MACC1: variants seen among roughly 807,000 people sequenced by gnomAD.
MACC1 encodes the protein metastasis-associated in colon cancer protein 1.
MACC1 carries 79 observed loss-of-function variants against 70.7 expected under a neutral mutation model. The observed-to-expected ratio is 1.12, with a 90% CI of 0.93 to 1.35. The LOEUF (loss-of-function observed/expected upper bound fraction) is 1.35, where lower values mean the gene tolerates loss of function less well. MACC1 is among the 40% of genes most tolerant of loss of function. The probability of loss-of-function intolerance (pLI) is 0.00; values close to 1 mark genes in which losing one functional copy is unlikely to be tolerated. For missense variants in MACC1, 1,106 were observed against 978.1 expected, an observed-to-expected ratio of 1.13 and a Z score of -1.74; for synonymous variants, 361 against 347.2, an observed-to-expected ratio of 1.04 and a Z score of -0.44.
At chr7:20,190,059 C>T (rs1013225453) in intron 1 of MACC1, among the ~76,000 whole-genome samples, 2 of 152,106 alleles carry the variant, frequency 1.3e-5, no homozygotes, top group African/African-American at 2.4e-5. Flanking sequence ...ACCTTCATGA[C>T]CTCATCACTT....
chr7:20,160,505 C>T (rs1247342980), intron 4 of MACC1, among the ~76,000 whole-genome samples: 1 of 152,004 alleles, frequency 6.6e-6, no homozygotes, highest in Non-Finnish European at 1.5e-5. Flanking sequence ...ATAAACTAAA[C>T]AAATAAATAT....
rs566307665 is a variant in MACC1 at position 20,164,316 on chromosome 7, A to G, written c.-69T>C. 6.6e-6 allele frequency: 1 copy of G among 152,042 alleles called. No homozygotes were observed. Among genetic ancestry groups the G allele is most frequent in the South Asian group, 2.1e-4 (1 of 4,804 alleles). 9.4% of individuals were successfully genotyped at this position (152,042 alleles called of 1,614,324 possible). ...GTTCACCTGTGACCCCTCCTTCTTT[A>G]TTGTTATACTCTTCTTTCTAATTCT... is the stretch of plus-strand genomic sequence containing the variant. On this transcript the variant is annotated 5_prime_UTR_variant, in exon 3 of 7. Coordinates refer to ENST00000400331, the MANE Select transcript of MACC1 (RefSeq NM_182762.4).
intron 1 of MACC1, among the ~76,000 whole-genome samples, chr7:20,181,994 T>C (rs1337471100): frequency 1.3e-5 from 2 of 151,918 alleles, no homozygotes; most frequent in African/African-American, 2.4e-5. Flanking sequence ...ATATACACCA[T>C]GGAATACTAT....
chr7:20,170,937 C>G (rs923962227), intron 1 of MACC1, among the ~76,000 whole-genome samples, 159 bp from the exon 2 acceptor site: 1 of 152,218 alleles, frequency 6.6e-6, no homozygotes, highest in African/African-American at 2.4e-5. Flanking sequence ...CCAATTCATA[C>G]AGCAGGAATT....
Position 20,140,333 on chromosome 7 carries a change from AGCCTCAGAC to A in MACC1, c.*604_*612del, listed in dbSNP as rs1412283897. 2.0e-5 allele frequency: 3 copies of A among 152,218 alleles called. No homozygotes were observed. The highest frequency in any genetic ancestry group is 7.2e-5 in the African/African-American group (3 of 41,456). 9.4% of individuals were successfully genotyped at this position (152,218 alleles called of 1,614,324 possible). A position where few individuals can be genotyped will look rare whatever the true frequency, so the allele number is the denominator to read the frequency against. ...AAAACCTACTTTGTACTGGCTATGT[AGCCTCAGAC>A]GTTCTCTCCACTTCTGAGTTTCTCC... On this transcript the variant is annotated 3_prime_UTR_variant, in exon 7 of 7. Transcript: ENST00000400331.
chr7:20,179,622 C>T (rs974814716), intron 1 of MACC1, among the ~76,000 whole-genome samples: 3 of 152,168 alleles, frequency 2.0e-5, no homozygotes, highest in Admixed American at 1.3e-4. Flanking sequence ...TTTCCATTTC[C>T]TAGGCTGCTT....
intron 6 of MACC1, among the ~76,000 whole-genome samples, chr7:20,147,939 C>A (rs61026738): frequency 0.056 from 8,448 of 152,106 alleles, 784 homozygotes; most frequent in African/African-American, 0.19. Context: ...ATGCCCCTGC[C>A]AAAAACATAT....
chr7:20,187,424 A>G (rs767878723), intron 1 of MACC1, among the ~76,000 whole-genome samples: 3 of 152,190 alleles, frequency 2.0e-5, no homozygotes, highest in Admixed American at 6.5e-5. Flanking sequence ...CTTTCACTAT[A>G]CAGGACCAGC....
rs1782139832 is a variant in MACC1, at chr7:20,161,620, A to G, written c.115+128T>C. On this transcript the variant is annotated intron_variant, in intron 4 of 6. Coordinates refer to ENST00000400331, the MANE Select transcript of MACC1 (RefSeq NM_182762.4). ...TTTGCACATCTTTTTAACTATTTCT[A>G]TGATAAAAACAAGATTTTATAATTC... The G allele has an allele frequency of 6.8e-6, 4 of 584,678 alleles. No homozygotes were observed. The East Asian group carries it at 8.7e-5, about 13-fold the overall frequency. The allele number at this position is 584,678 out of a possible 1,614,324, so 36.2% of individuals were successfully genotyped here.
chr7:20,161,768 G>T lies in MACC1; in HGVS notation c.95C>A (p.Ser32Ter). 6.2e-7 allele frequency: 1 copy of T among 1,610,756 alleles called. No homozygotes were observed. Among genetic ancestry groups the T allele is most frequent in the Non-Finnish European group, 8.5e-7 (1 of 1,177,454 alleles). ...CATACCTGTAATATTGCAACTTTTTGAGAGTTTTCCAGCTTCCATGTCAAT... is the reference window on the plus strand; with the variant it reads ...CATACCTGTAATATTGCAACTTTTTTAGAGTTTTCCAGCTTCCATGTCAAT... ...NLIDMEAGKLSKSCNITECQD... is the reference protein window; with the variant it reads ...NLIDMEAGKL Residue 32 changes from serine to a stop codon, truncating the protein, a stop_gained, in exon 4 of 7, where the codon TCA becomes TAA. Coordinates refer to ENST00000400331, the MANE Select transcript of MACC1 (RefSeq NM_182762.4). LOFTEE classifies it high-confidence loss of function.
intron 1 of MACC1, among the ~76,000 whole-genome samples, chr7:20,171,443 A>C: frequency 6.7e-6 from 1 of 149,190 alleles, no homozygotes. Flanking sequence ...TTTAGTAGAG[A>C]CGGAATTTCA....
At chr7:20,175,860 T>A (rs1195150587) in intron 1 of MACC1, among the ~76,000 whole-genome samples, 1 of 152,164 alleles carries the variant, frequency 6.6e-6, no homozygotes, top group Non-Finnish European at 1.5e-5. Context: ...TCCTTAGAAC[T>A]ATTTGGAATA....
chr7:20,214,441 C>T (rs1783041063), intron 1 of MACC1, among the ~76,000 whole-genome samples: 1 of 152,140 alleles, frequency 6.6e-6, no homozygotes, highest in Non-Finnish European at 1.5e-5. Context: ...GATTTTTCCA[C>T]TACCAATTGC....
At position 20,160,006 on chromosome 7, in the gene MACC1, C is replaced by A. The variant is rs367734621; in HGVS notation, c.355G>T (p.Glu119Ter). ...NGNSFDSSGDELDVHQLLRQT... is the reference protein window; with the variant it reads ...NGNSFDSSGD Reference sequence around the variant, plus strand: ...CTAAGTAACTGATGCACATCAAGTTCATCACCGGAGGAATCAAAAGAATTT... The same window carrying A: ...CTAAGTAACTGATGCACATCAAGTTAATCACCGGAGGAATCAAAAGAATTT... The change falls in exon 5 of 7, where the codon GAA becomes TAA. Residue 119 changes from glutamate to a stop codon, truncating the protein, a stop_gained. Coordinates refer to ENST00000400331, the MANE Select transcript of MACC1 (RefSeq NM_182762.4). LOFTEE classifies it high-confidence loss of function. 6 of 1,613,538 alleles carry A rather than the reference C, an allele frequency of 3.7e-6. No individual in the cohort carries two copies. In the African/African-American group the frequency reaches 8.0e-5, roughly 22 times the overall value.
At position 20,135,992 on chromosome 7, in the gene MACC1, T is replaced by C. The variant is rs1216021703; in HGVS notation, c.*4954A>G. The C allele has an allele frequency of 6.6e-6, 1 of 152,236 alleles. No individual in the cohort carries two copies. Among genetic ancestry groups the C allele is most frequent in the Non-Finnish European group, 1.5e-5 (1 of 68,032 alleles). 9.4% of individuals were successfully genotyped at this position (152,236 alleles called of 1,614,324 possible). A position where few individuals can be genotyped will look rare whatever the true frequency, so the allele number is the denominator to read the frequency against. On this transcript the variant is annotated 3_prime_UTR_variant, in exon 7 of 7. Transcript: ENST00000400331. ...ACACAATTTTAATGTGGATAATTGG[T>C]ATTCAAATTATTACTCTTAAATCAC...
intron 1 of MACC1, among the ~76,000 whole-genome samples, chr7:20,177,143 T>C (rs556673146): frequency 5.3e-5 from 8 of 152,140 alleles, no homozygotes; most frequent in Non-Finnish European, 1.0e-4. Context: ...GGAAGGTATA[T>C]AGGATTTTGT....
intron 5 of MACC1, among the ~76,000 whole-genome samples, chr7:20,156,128 C>G (rs1320658636): frequency 6.6e-6 from 1 of 152,096 alleles, no homozygotes; most frequent in African/African-American, 2.4e-5. Flanking sequence ...GGTTTGGATC[C>G]CACAGTCTTT....
chr7:20,178,976 C>A (rs1214320223), intron 1 of MACC1, among the ~76,000 whole-genome samples: 2 of 151,758 alleles, frequency 1.3e-5, no homozygotes, highest in Non-Finnish European at 2.9e-5. Context: ...TTTTCTCTAT[C>A]CTACTTTCTC....
chr7:20,202,506 T>C (rs1007844405), intron 1 of MACC1, among the ~76,000 whole-genome samples: 2 of 152,198 alleles, frequency 1.3e-5, no homozygotes, highest in Non-Finnish European at 2.9e-5. Context: ...AAAAACCTGA[T>C]CGAGCTTCTA....
Sources: gnomAD v4.1 joint callset for allele counts (sites outside exome capture counted in the v4.1 genomes callset) on GRCh38, gnomAD v4.1.1 for gene constraint, MANE v1.5 for transcripts, NCBI Gene and HGNC (gene_info 2026-07-23, HGNC 2026-07-21) for gene names.